The following ARMH3 variants were observed in gnomAD, a reference collection of about 807,000 sequenced individuals.
ARMH3 encodes armadillo like helical domain containing 3, also known as armadillo-like helical domain-containing protein 3.
Under a neutral mutation model 99.1 loss-of-function variants are expected in ARMH3, and 60 were observed. That is an observed-to-expected ratio of 0.61 (90% CI 0.49 to 0.75). ARMH3 has a LOEUF of 0.75. ARMH3 is among the 30% of genes least tolerant of loss of function. The pLI, the probability that ARMH3 is intolerant of heterozygous loss-of-function variation, is 0.00. For synonymous variants in ARMH3, 285 were observed against 292.8 expected, an observed-to-expected ratio of 0.97 and a Z score of 0.27; for missense variants, 679 against 843.1, an observed-to-expected ratio of 0.81 and a Z score of 2.41.
At chr10:101,907,385 GTTT>G (rs773919740) in intron 23 of ARMH3, among the ~76,000 whole-genome samples, 1 of 136,870 alleles carries the variant, frequency 7.3e-6, no homozygotes, top group Admixed American at 7.3e-5. Context: ...CTTTGTTTTT[GTTT>G]TTTTTTTTTT....
At chr10:101,898,065 CA>C (rs140682551) in intron 23 of ARMH3, among the ~76,000 whole-genome samples, 8 of 152,096 alleles carry the variant, frequency 5.3e-5, no homozygotes, top group Non-Finnish European at 1.0e-4. Flanking sequence ...GTTCCTTTAA[CA>C]ATGTAGGCAA....
intron 23 of ARMH3, among the ~76,000 whole-genome samples, chr10:101,918,638 C>T (rs1266625372): frequency 6.6e-6 from 1 of 152,146 alleles, no homozygotes; most frequent in East Asian, 1.9e-4. Flanking sequence ...AACAGTATGG[C>T]CTGATTAATC....
chr10:101,969,835 T>C (rs193264353), intron 20 of ARMH3, among the ~76,000 whole-genome samples: 1 of 152,278 alleles, frequency 6.6e-6, no homozygotes, highest in East Asian at 1.9e-4. Flanking sequence ...CTGTTTAGCG[T>C]CTGGTTCCAT....
intron 20 of ARMH3, among the ~76,000 whole-genome samples, chr10:101,967,868 G>A (rs1474447064): frequency 6.6e-6 from 1 of 152,146 alleles, no homozygotes; most frequent in South Asian, 2.1e-4. Flanking sequence ...GGCTCTGGCT[G>A]TATGCTATCA....
chr10:102,024,233 A>G (rs991113968), intron 6 of ARMH3, among the ~76,000 whole-genome samples: 11 of 150,964 alleles, frequency 7.3e-5, no homozygotes, highest in African/African-American at 2.0e-4. Context: ...GGTGGATCAC[A>G]AGGTCAGGAG....
At chr10:101,913,796 G>C (rs909143001) in intron 23 of ARMH3, among the ~76,000 whole-genome samples, 1 of 152,194 alleles carries the variant, frequency 6.6e-6, no homozygotes, top group Non-Finnish European at 1.5e-5. Flanking sequence ...AAAAGGGAGG[G>C]AACACTTCAG....
At chr10:101,963,864 T>C (rs916892310) in intron 20 of ARMH3, among the ~76,000 whole-genome samples, 11 of 151,244 alleles carry the variant, frequency 7.3e-5, no homozygotes, top group Admixed American at 5.9e-4. Flanking sequence ...AAAGTAGGGG[T>C]TCTCTTTTTC....
chr10:102,006,579 G>T lies in ARMH3; in HGVS notation c.1009C>A (p.Pro337Thr). ...GGTGTGGTCCCAAGTGGTGTGACTG[G>T]GGTTGTAGGAGCAGGACTGACAGGG... ...TTPVSPAPTT[P>T]VTPLGTTPPS... Residue 337 changes from proline (P) to threonine (T), a missense_variant, in exon 14 of 26, where the codon CCA becomes ACA. Pro to Thr is a conservative substitution (Grantham distance 38). This residue lies in a region of ARMH3 where 389 missense variants were observed against 456.5 expected (regional missense o/e 0.85). Coordinates refer to ENST00000370033, the MANE Select transcript of ARMH3 (RefSeq NM_024541.3). The T allele has an allele frequency of 1.2e-6, 2 of 1,614,076 alleles. No individual in the cohort carries two copies. The highest frequency in any genetic ancestry group is 1.7e-6 in the Non-Finnish European group (2 of 1,179,960).
At chr10:102,003,335 G>GT (rs2066411814) in intron 14 of ARMH3, among the ~76,000 whole-genome samples, 1 of 151,988 alleles carries the variant, frequency 6.6e-6, no homozygotes, top group African/African-American at 2.4e-5. Context: ...GCTAATTTTT[G>GT]TATTTTAGTA....
intron 8 of ARMH3, among the ~76,000 whole-genome samples, chr10:102,022,872 G>A (rs891007074): frequency 6.7e-6 from 1 of 149,936 alleles, no homozygotes; most frequent in Non-Finnish European, 1.5e-5. Context: ...GAGCCACCGT[G>A]CCCGGCCGAA....
intron 19 of ARMH3, among the ~76,000 whole-genome samples, chr10:101,979,005 G>A (rs761823510): frequency 3.3e-5 from 5 of 151,808 alleles, no homozygotes; most frequent in South Asian, 2.1e-4. Context: ...ATAGCTGGGT[G>A]CAGTGGCATG....
chr10:101,948,682 G>A (rs1250163760), intron 22 of ARMH3, among the ~76,000 whole-genome samples: 3 of 151,968 alleles, frequency 2.0e-5, no homozygotes, highest in Admixed American at 2.0e-4. Context: ...AATCTTCTCT[G>A]TCCCTTTATA....
chr10:101,847,356 G>T lies in ARMH3; in HGVS notation c.*172C>A. On this transcript the variant is annotated 3_prime_UTR_variant, in exon 26 of 26. Transcript: ENST00000370033. ...CCCCAAATAAGATTATCCCTGGCTT[G>T]ACCCTCCTGCCCCTGCTGCCCAAGC... 1 of 622,822 alleles carries T rather than the reference G, an allele frequency of 1.6e-6. No homozygotes were observed. 38.6% of individuals were successfully genotyped at this position (622,822 alleles called of 1,614,324 possible).
chr10:101,863,270 A>C (rs575296046), intron 24 of ARMH3, among the ~76,000 whole-genome samples: 1 of 152,258 alleles, frequency 6.6e-6, no homozygotes. Flanking sequence ...CTGACAAAGG[A>C]AACTTAAAAA....
intron 19 of ARMH3, among the ~76,000 whole-genome samples, chr10:101,980,759 T>C (rs1590125295): frequency 6.6e-6 from 1 of 152,134 alleles, no homozygotes; most frequent in Non-Finnish European, 1.5e-5. Context: ...CACATGCACA[T>C]GTATGTTCAC....
chr10:102,031,706 T>C (rs574204356), intron 4 of ARMH3, among the ~76,000 whole-genome samples: 1 of 152,348 alleles, frequency 6.6e-6, no homozygotes, highest in Admixed American at 6.5e-5. Flanking sequence ...CTATCACAAG[T>C]TCCAATAAAA....
intron 8 of ARMH3, among the ~76,000 whole-genome samples, chr10:102,021,666 G>T (rs1053079262): frequency 6.6e-6 from 1 of 151,622 alleles, no homozygotes; most frequent in African/African-American, 2.4e-5. Context: ...TTCTGCTTCA[G>T]CCTCCCGAGT....
chr10:101,860,670 G>A (rs1052981240), intron 24 of ARMH3, among the ~76,000 whole-genome samples: 1 of 152,186 alleles, frequency 6.6e-6, no homozygotes, highest in Non-Finnish European at 1.5e-5. Flanking sequence ...AATTATCTGA[G>A]AATTTGTAAG....
intron 13 of ARMH3, 72 bp from the exon 14 acceptor site, chr10:102,006,705 A>G: frequency 2.9e-6 from 4 of 1,393,782 alleles, no homozygotes; most frequent in Non-Finnish European, 4.1e-6. Context: ...GCCTAATACC[A>G]ATAAGGACTG....
Sources: allele counts gnomAD v4.1 joint callset (sites outside exome capture counted in the v4.1 genomes callset), GRCh38; gene constraint gnomAD v4.1.1; regional missense constraint gnomAD v4.1.1; transcripts MANE v1.5; gene names NCBI Gene and HGNC (gene_info 2026-07-23, HGNC 2026-07-21).